Variants in FANCC observed in about 807,000 individuals in gnomAD.
FANCC encodes Fanconi anemia group C protein.
A neutral mutation model predicts 71.3 loss-of-function variants in FANCC; 55 were observed. The observed-to-expected ratio is 0.77, with a 90% CI of 0.62 to 0.97. The LOEUF (loss-of-function observed/expected upper bound fraction) is 0.97. Ranked by LOEUF, FANCC falls within the 50% of genes least tolerant of loss-of-function variation. The pLI is 0.00. For missense variants in FANCC, 678 were observed against 670.9 expected, an observed-to-expected ratio of 1.01 and a Z score of -0.12; for synonymous variants, 275 against 244.9, an observed-to-expected ratio of 1.12 and a Z score of -1.15.
intron 1 of FANCC, among the ~76,000 whole-genome samples, chr9:95,268,434 C>G (rs1832524977): frequency 6.6e-6 from 1 of 152,222 alleles, no homozygotes; most frequent in Non-Finnish European, 1.5e-5. Flanking sequence ...GCTGCATGAA[C>G]TCGATGGCTT....
At chr9:95,213,831 T>C (rs1480430659) in intron 4 of FANCC, among the ~76,000 whole-genome samples, 2 of 152,076 alleles carry the variant, frequency 1.3e-5, no homozygotes, top group South Asian at 2.1e-4. Context: ...TTTAAAACTT[T>C]CAAAAGACAC....
intron 7 of FANCC, among the ~76,000 whole-genome samples, chr9:95,137,600 AGATCAGTTT>A (rs1384189506): frequency 6.6e-6 from 1 of 152,158 alleles, no homozygotes; most frequent in Non-Finnish European, 1.5e-5. Context: ...ATTTACTAAG[AGATCAGTTT>A]GAGGTGTGTG....
In FANCC at chr9:95,117,354, A is replaced by C. The variant is rs2134693013; in HGVS notation, c.1033T>G (p.Ser345Ala). 6.2e-7 allele frequency: 1 copy of C among 1,614,080 alleles called. No individual in the cohort carries two copies. Among genetic ancestry groups the C allele is most frequent in the Non-Finnish European group, 8.5e-7 (1 of 1,180,016 alleles). ...AGCAGCACCATGGCAAGAGATGGAG[A>C]AGTGTAAGGAAAGTAGGTCTTGAGT... ...FALKTYFPYT[S>A]PSLAMVLLQD... is the part of the protein sequence containing the mutation. The change falls in exon 11 of 15, where the codon TCT (serine) becomes GCT (alanine). Residue 345 changes from serine (S) to alanine (A), a missense_variant. Transcript: ENST00000289081.
intron 4 of FANCC, among the ~76,000 whole-genome samples, chr9:95,173,670 C>T (rs1380533037): frequency 1.3e-5 from 2 of 152,262 alleles, no homozygotes; most frequent in South Asian, 2.1e-4. Context: ...AATCACAGCA[C>T]TTTGGAAGGC....
intron 6 of FANCC, among the ~76,000 whole-genome samples, chr9:95,162,077 G>A (rs1030639354): frequency 3.3e-5 from 5 of 152,006 alleles, no homozygotes; most frequent in East Asian, 1.9e-4. Flanking sequence ...CCTGACCTCC[G>A]GTGATCCGCC....
At chr9:95,252,642 A>C (rs1235662532) in intron 1 of FANCC, among the ~76,000 whole-genome samples, 1 of 151,042 alleles carries the variant, frequency 6.6e-6, no homozygotes, top group African/African-American at 2.4e-5. Flanking sequence ...GCTACTCAGG[A>C]GGCTGAGGCA....
chr9:95,151,625 G>A (rs1158890289), intron 6 of FANCC, among the ~76,000 whole-genome samples: 1 of 152,098 alleles, frequency 6.6e-6, no homozygotes, highest in African/African-American at 2.4e-5. Flanking sequence ...GTGAGTATTT[G>A]CATACTGAAT....
chr9:95,162,427 A>G (rs993368105), intron 6 of FANCC, among the ~76,000 whole-genome samples: 6 of 152,186 alleles, frequency 3.9e-5, no homozygotes, highest in African/African-American at 7.2e-5. Flanking sequence ...GGGTGTGCAA[A>G]TATCTCTTAG....
chr9:95,316,106 A>G lies in FANCC; in HGVS notation c.-79+1420T>C, dbSNP rs1226606301. On this transcript the variant is annotated intron_variant, in intron 1 of 14. Coordinates refer to ENST00000289081, the MANE Select transcript of FANCC (RefSeq NM_000136.3). ...AGAGAAAATATGACCGAATAAAGCA[A>G]AAATAAATTCGAATGTATAATATAC... 2.6e-5 allele frequency among the ~76,000 whole-genome samples: 4 copies of G among 152,260 alleles called. No individual in the cohort carries two copies. The East Asian group carries it at 7.7e-4, about 29-fold the overall frequency.
chr9:95,292,846 G>C, intron 1 of FANCC: 1 of 1,585,808 alleles, frequency 6.3e-7, no homozygotes, highest in Non-Finnish European at 8.7e-7. Flanking sequence ...AGCAAGTGCA[G>C]CAATTCGTAC....
chr9:95,240,608 A>T (rs374892476), intron 4 of FANCC, 41 bp downstream of exon 4: 1 of 1,465,412 alleles, frequency 6.8e-7, no homozygotes, highest in Non-Finnish European at 9.6e-7. Flanking sequence ...TAAATAATCA[A>T]TTTAATTCAA....
intron 4 of FANCC, among the ~76,000 whole-genome samples, chr9:95,234,363 A>G (rs1162320121): frequency 6.6e-6 from 1 of 152,234 alleles, no homozygotes; most frequent in Non-Finnish European, 1.5e-5. Flanking sequence ...AAAACTGAGA[A>G]AAACCAATTT....
chr9:95,212,777 G>C (rs1438178541), intron 4 of FANCC, among the ~76,000 whole-genome samples: 1 of 152,226 alleles, frequency 6.6e-6, no homozygotes, highest in Non-Finnish European at 1.5e-5. Context: ...TTTATAAAAT[G>C]TTTAGAAGTA....
intron 1 of FANCC, among the ~76,000 whole-genome samples, chr9:95,285,253 G>C (rs1422926003): frequency 6.6e-6 from 1 of 151,934 alleles, no homozygotes; most frequent in Non-Finnish European, 1.5e-5. Context: ...AACAGACTTG[G>C]CTGAGATAAT....
intron 6 of FANCC, among the ~76,000 whole-genome samples, chr9:95,167,273 T>C (rs947478811): frequency 1.8e-4 from 27 of 152,132 alleles, no homozygotes; most frequent in African/African-American, 6.3e-4. Flanking sequence ...AATCCGATTT[T>C]TGTGTATGTT....
At chr9:95,123,927 A>G (rs562673362) in intron 10 of FANCC, 2 of 387,652 alleles carry the variant, frequency 5.2e-6, no homozygotes, top group South Asian at 2.1e-5. Context: ...TAAAATGGAA[A>G]TTGTACTTAA....
chr9:95,293,496 G>A lies in FANCC; in HGVS notation c.-79+24030C>T, dbSNP rs941145867. 1.0e-5 allele frequency: 16 copies of A among 1,584,166 alleles called. No homozygotes were observed. The African/African-American group carries it at 1.9e-4, about 19-fold the overall frequency. On this transcript the variant is annotated intron_variant, in intron 1 of 14. Coordinates refer to ENST00000289081, the MANE Select transcript of FANCC (RefSeq NM_000136.3). Reference sequence around the variant, plus strand: ...TGAGCCAATAAGTACTGGTGTTCAAGTGAACTTGGGTAAAAGTCCATCTAA... The same window carrying A: ...TGAGCCAATAAGTACTGGTGTTCAAATGAACTTGGGTAAAAGTCCATCTAA...
chr9:95,106,883 T>C (rs2071492727), intron 14 of FANCC, among the ~76,000 whole-genome samples, 183 bp downstream of exon 14: 1 of 152,096 alleles, frequency 6.6e-6, no homozygotes, highest in Non-Finnish European at 1.5e-5. Flanking sequence ...TTCTATGACA[T>C]AAAGGTGCTG....
intron 3 of FANCC, among the ~76,000 whole-genome samples, chr9:95,246,869 A>C (rs1203301505): frequency 6.6e-6 from 1 of 152,208 alleles, no homozygotes; most frequent in Non-Finnish European, 1.5e-5. Flanking sequence ...ACAGGAGCTC[A>C]GTGAAGGAAT....
Sources: gnomAD v4.1 joint callset for allele counts (sites outside exome capture counted in the v4.1 genomes callset) on GRCh38, gnomAD v4.1.1 for gene constraint, MANE v1.5 for transcripts, NCBI Gene and HGNC (gene_info 2026-07-23, HGNC 2026-07-21) for gene names.